SYNJ2: variants seen among roughly 807,000 people sequenced by gnomAD.
The protein encoded by SYNJ2 is polyphosphatidylinositol phosphatase SYNJ2.
SYNJ2 carries 116 observed loss-of-function variants against 141.3 expected under a neutral mutation model. That is an observed-to-expected ratio of 0.82 (90% CI 0.71 to 0.96). The LOEUF (loss-of-function observed/expected upper bound fraction) is 0.96, where lower values mean the gene tolerates loss of function less well. SYNJ2 is among the 40% of genes least tolerant of loss of function. SYNJ2 has a pLI of 0.00. For synonymous variants in SYNJ2, 745 were observed against 777.7 expected (o/e 0.96, Z 0.70); for missense variants, 1,873 against 1,934.8 (o/e 0.97, Z 0.60).
At chr6:158,083,692 G>T (rs1183148245) in intron 21 of SYNJ2, 95 bp downstream of exon 21, 1 of 1,513,198 alleles carries the variant, frequency 6.6e-7, no homozygotes, top group Non-Finnish European at 9.0e-7. Context: ...TTGCAGAAGT[G>T]ACGGAGGACA....
At chr6:158,057,227 G>A (rs73017922) in intron 6 of SYNJ2, among the ~76,000 whole-genome samples, 1,938 of 152,184 alleles carry the variant, frequency 0.013, 16 homozygotes, top group Non-Finnish European at 0.02. Flanking sequence ...GTAGGCAGGG[G>A]AAGTGAAAAA....
At chr6:158,032,468 G>T (rs1779417769) in intron 3 of SYNJ2, among the ~76,000 whole-genome samples, 1 of 152,218 alleles carries the variant, frequency 6.6e-6, no homozygotes, top group African/African-American at 2.4e-5. Context: ...CCCTCAGGAT[G>T]GTACCACTCA....
chr6:158,065,777 T>C (rs1342244839), intron 11 of SYNJ2, among the ~76,000 whole-genome samples: 1 of 152,240 alleles, frequency 6.6e-6, no homozygotes, highest in Non-Finnish European at 1.5e-5. Flanking sequence ...GTGCCAGCTC[T>C]GTAAAAGGTG....
At chr6:158,034,638 T>A (rs1355395852) in intron 4 of SYNJ2, among the ~76,000 whole-genome samples, 1 of 152,242 alleles carries the variant, frequency 6.6e-6, no homozygotes, top group Non-Finnish European at 1.5e-5. Context: ...ACAGCTGCAA[T>A]TACTTGCCTG....
At chr6:158,060,347 C>T (rs947809696) in intron 7 of SYNJ2, among the ~76,000 whole-genome samples, 5 of 152,192 alleles carry the variant, frequency 3.3e-5, no homozygotes, top group East Asian at 1.9e-4. Flanking sequence ...CCAGCCCCCG[C>T]CCCCTGCTCC....
intron 5 of SYNJ2, among the ~76,000 whole-genome samples, chr6:158,048,380 A>G (rs906461569): frequency 3.9e-5 from 6 of 152,150 alleles, no homozygotes; most frequent in African/African-American, 1.4e-4. Context: ...AGGGAGCATC[A>G]CTGGGTAGCT....
chr6:158,032,785 G>T (rs530119854), intron 3 of SYNJ2, among the ~76,000 whole-genome samples: 1 of 152,334 alleles, frequency 6.6e-6, no homozygotes, highest in South Asian at 2.1e-4. Context: ...TAGTGCACAG[G>T]ATAAATGTTG....
At chr6:158,067,067 A>G (rs1781615173) in intron 12 of SYNJ2, among the ~76,000 whole-genome samples, 1 of 152,110 alleles carries the variant, frequency 6.6e-6, no homozygotes, top group African/African-American at 2.4e-5. Flanking sequence ...CACCCAGGCT[A>G]GAGTGTAGTG....
At position 158,076,672 on chromosome 6, in the gene SYNJ2, A is replaced by G. The variant is rs1409389706; in HGVS notation, c.2339A>G (p.Tyr780Cys). 6.2e-7 allele frequency: 1 copy of G among 1,614,218 alleles called. No homozygotes were observed. Among genetic ancestry groups the G allele is most frequent in the Non-Finnish European group, 8.5e-7 (1 of 1,180,024 alleles). The change falls in exon 17 of 27, where the codon TAC becomes TGC. Residue 780 changes from tyrosine to cysteine, a missense_variant. Tyr to Cys is a radical substitution (Grantham distance 194). Coordinates refer to ENST00000355585, the MANE Select transcript of SYNJ2 (RefSeq NM_003898.4). ...GGAGCCATTAACTTTGGACCCACCTACAAGTATGACGTTGGCTCAGCCGCC... is the reference window on the plus strand; with the variant it reads ...GGAGCCATTAACTTTGGACCCACCTGCAAGTATGACGTTGGCTCAGCCGCC... ...HEGAINFGPT[Y>C]KYDVGSAAYD... is the part of the protein sequence containing the mutation.
At position 158,055,012 on chromosome 6, in the gene SYNJ2, G is replaced by A; in HGVS notation, c.841G>A (p.Ala281Thr). The change falls in exon 6 of 27, where the codon GCC becomes ACC. Residue 281 changes from alanine (A) to threonine (T), a missense_variant. Coordinates refer to ENST00000355585, the MANE Select transcript of SYNJ2 (RefSeq NM_003898.4). ...LRLHRGLEAN[A>T]PAFDRHMVLL... ...ACTCCACAGAGGCCTGGAAGCCAAT[G>A]CCCCTGCTTTCGACAGGTAGGGATT... 1 of 1,613,956 alleles carries A rather than the reference G, an allele frequency of 6.2e-7. No homozygotes were observed. Among genetic ancestry groups the A allele is most frequent in the South Asian group, 1.1e-5 (1 of 91,066 alleles).
At chr6:158,055,203 C>T (rs1269293142) in intron 6 of SYNJ2, among the ~76,000 whole-genome samples, 175 bp downstream of exon 6, 4 of 152,190 alleles carry the variant, frequency 2.6e-5, no homozygotes, top group Non-Finnish European at 5.9e-5. Flanking sequence ...GGGATTTTTA[C>T]TTTGTTCTCA....
intron 1 of SYNJ2, among the ~76,000 whole-genome samples, chr6:157,994,037 G>C (rs988061971): frequency 6.6e-6 from 1 of 151,652 alleles, no homozygotes; most frequent in African/African-American, 2.4e-5. Flanking sequence ...GGATGGTCTC[G>C]ATCTCCTGAC....
chr6:158,059,154 A>G, intron 6 of SYNJ2, 103 bp from the exon 7 acceptor site: 1 of 1,251,586 alleles, frequency 8.0e-7, no homozygotes, highest in Non-Finnish European at 1.1e-6. Flanking sequence ...TGTGGCACTA[A>G]GAAAGCATGA....
chr6:158,065,158 T>G (rs1315298703), intron 11 of SYNJ2, among the ~76,000 whole-genome samples, 167 bp downstream of exon 11: 1 of 152,186 alleles, frequency 6.6e-6, no homozygotes, highest in East Asian at 1.9e-4. Context: ...AGCCTGCGCT[T>G]TCCTGCTGGG....
chr6:158,076,521 G>C (rs1002417587), intron 16 of SYNJ2, 105 bp from the exon 17 acceptor site: 19 of 1,288,112 alleles, frequency 1.5e-5, no homozygotes, highest in African/African-American at 3.0e-5. Flanking sequence ...TGGAGCTTCT[G>C]TTACTTTTTA....
At chr6:158,017,785 G>A (rs531697726) in intron 2 of SYNJ2, 38 of 532,180 alleles carry the variant, frequency 7.1e-5, no homozygotes, top group South Asian at 5.3e-4. Context: ...CCTGCAGGTG[G>A]GGAGGTCAAG....
chr6:158,084,987 T>C lies in SYNJ2; in HGVS notation c.3208+813T>C, dbSNP rs568095948. On this transcript the variant is annotated intron_variant, in intron 22 of 26. Transcript: ENST00000355585. This position sits in a 1 kb window ranked among gnomAD's most constrained non-coding sequence, Gnocchi z 5.0. ...ACTTCAGAGGGCCTGAAAGGTCACATTGATTGAACCACACACCCCTAGATT... is the reference window on the plus strand; with the variant it reads ...ACTTCAGAGGGCCTGAAAGGTCACACTGATTGAACCACACACCCCTAGATT... 2.0e-5 allele frequency among the ~76,000 whole-genome samples: 3 copies of C among 149,222 alleles called. No homozygotes were observed. Among genetic ancestry groups the C allele is most frequent in the Admixed American group, 6.6e-5 (1 of 15,074 alleles).
intron 1 of SYNJ2, among the ~76,000 whole-genome samples, chr6:158,011,547 T>C (rs190667089): frequency 6.6e-6 from 1 of 152,202 alleles, no homozygotes; most frequent in Admixed American, 6.5e-5. Context: ...CCTGTTGGGT[T>C]TTGTTTGTTT....
At chr6:158,032,742 G>C (rs868833794) in intron 3 of SYNJ2, among the ~76,000 whole-genome samples, 4 of 152,182 alleles carry the variant, frequency 2.6e-5, no homozygotes, top group Non-Finnish European at 5.9e-5. Context: ...GGTGAAATGA[G>C]TTAATCCACC....
Sources: allele counts gnomAD v4.1 joint callset (sites outside exome capture counted in the v4.1 genomes callset), GRCh38; gene constraint gnomAD v4.1.1; non-coding constraint Gnocchi (gnomAD v3.1); transcripts MANE v1.5; gene names NCBI Gene and HGNC (gene_info 2026-07-23, HGNC 2026-07-21).